RAPGEF5: variants seen among roughly 807,000 people sequenced by gnomAD.
RAPGEF5 encodes M-Ras-regulated GEF.
RAPGEF5 carries 65 observed loss-of-function variants against 125.2 expected under a neutral mutation model. The observed-to-expected ratio is 0.52, with a 90% CI of 0.43 to 0.64. The LOEUF (loss-of-function observed/expected upper bound fraction) is 0.64, where lower values mean the gene tolerates loss of function less well. Among genes scored for constraint, RAPGEF5 ranks in the 30% least tolerant of loss-of-function variants. RAPGEF5 has a pLI of 0.00. For missense variants in RAPGEF5, 958 were observed against 1,048.1 expected (o/e 0.91, Z 1.19); for synonymous variants, 391 against 385.9 (o/e 1.01, Z -0.16).
At chr7:22,212,808 T>C (rs1369866329) in intron 9 of RAPGEF5, among the ~76,000 whole-genome samples, 1 of 152,114 alleles carries the variant, frequency 6.6e-6, no homozygotes, top group African/African-American at 2.4e-5. Context: ...GAAAAGAATA[T>C]AAGGTCACCT....
At chr7:22,129,850 G>A (rs192281036) in intron 24 of RAPGEF5, among the ~76,000 whole-genome samples, 1 of 151,946 alleles carries the variant, frequency 6.6e-6, no homozygotes, top group Admixed American at 6.5e-5. Flanking sequence ...TGGGTTTTGG[G>A]GGTTGTATAA....
intron 8 of RAPGEF5, among the ~76,000 whole-genome samples, chr7:22,222,225 C>A (rs926983715): frequency 6.6e-6 from 1 of 151,984 alleles, no homozygotes; most frequent in African/African-American, 2.4e-5. Flanking sequence ...GACGACAGAG[C>A]GAGAGTCCAT....
At chr7:22,256,319 C>A (rs1444537267) in intron 7 of RAPGEF5, among the ~76,000 whole-genome samples, 1 of 152,072 alleles carries the variant, frequency 6.6e-6, no homozygotes, top group African/African-American at 2.4e-5. Flanking sequence ...GTCACATGCA[C>A]CTAAAATAAT....
intron 25 of RAPGEF5, among the ~76,000 whole-genome samples, chr7:22,123,043 T>C (rs1013539274): frequency 5.9e-5 from 9 of 152,058 alleles, no homozygotes; most frequent in Non-Finnish European, 1.3e-4. Context: ...TCTCATTTTT[T>C]GGAAAAAAAA....
chr7:22,303,949 G>A (rs1049954597), intron 5 of RAPGEF5, among the ~76,000 whole-genome samples: 4 of 152,202 alleles, frequency 2.6e-5, no homozygotes, highest in Non-Finnish European at 4.4e-5. Flanking sequence ...ACACTGGCAT[G>A]AGGAAGTAAA....
At chr7:22,210,603 A>G (rs929826474) in intron 9 of RAPGEF5, among the ~76,000 whole-genome samples, 14 of 152,052 alleles carry the variant, frequency 9.2e-5, no homozygotes, top group Admixed American at 2.0e-4. Context: ...ATTCTCTACT[A>G]TTATGTGTTT....
chr7:22,243,856 G>A (rs975535142), intron 7 of RAPGEF5, among the ~76,000 whole-genome samples: 3 of 152,098 alleles, frequency 2.0e-5, no homozygotes, highest in Non-Finnish European at 2.9e-5. Flanking sequence ...ACCGTGCTGT[G>A]CAATCGATAT....
At chr7:22,258,938 G>C (rs1782078925) in intron 7 of RAPGEF5, among the ~76,000 whole-genome samples, 1 of 152,158 alleles carries the variant, frequency 6.6e-6, no homozygotes. Context: ...AGAAAATCTA[G>C]ATGACCTTAG....
At chr7:22,137,019 C>T (rs772578014) in intron 21 of RAPGEF5, 36 bp from the exon 22 acceptor site, 1 of 1,486,824 alleles carries the variant, frequency 6.7e-7, no homozygotes. Flanking sequence ...CAGAAGGTCA[C>T]AGAAGTTGGT....
chr7:22,258,624 C>CA (rs34352575), intron 7 of RAPGEF5, among the ~76,000 whole-genome samples: 872 of 45,534 alleles, frequency 0.019, 10 homozygotes, highest in African/African-American at 0.026. Context: ...AACTCCGTCT[C>CA]AAAAAAAAAA....
intron 6 of RAPGEF5, among the ~76,000 whole-genome samples, chr7:22,281,381 T>A (rs1425957781): frequency 6.6e-6 from 1 of 152,092 alleles, no homozygotes; most frequent in African/African-American, 2.4e-5. Context: ...CGAGCTAATT[T>A]CTGTATTTTT....
chr7:22,267,783 T>A (rs551219221), intron 6 of RAPGEF5, among the ~76,000 whole-genome samples: 192 of 151,978 alleles, frequency 1.3e-3, no homozygotes, highest in African/African-American at 4.4e-3. Context: ...AATTCCATAA[T>A]GAGGAAGCTC....
At chr7:22,137,984 G>T (rs924022874) in intron 21 of RAPGEF5, among the ~76,000 whole-genome samples, 1 of 150,160 alleles carries the variant, frequency 6.7e-6, no homozygotes, top group African/African-American at 2.5e-5. Context: ...CAGCAAACAG[G>T]TAGTTTAATC....
chr7:22,159,221 T>C lies in RAPGEF5; in HGVS notation c.1526+1297A>G, dbSNP rs562921930. 9.2e-5 allele frequency among the ~76,000 whole-genome samples: 14 copies of C among 152,334 alleles called. No homozygotes were observed. The South Asian group carries it at 2.9e-3, about 32-fold the overall frequency. On this transcript the variant is annotated intron_variant, in intron 14 of 25. Transcript: ENST00000665637. Reference sequence around the variant, plus strand: ...AGTCTTAGGCTATGGAAACATAACATAATGTAGACTGCAATAAAAGAAGAC... The same window carrying C: ...AGTCTTAGGCTATGGAAACATAACACAATGTAGACTGCAATAAAAGAAGAC...
chr7:22,332,157 A>G (rs1308869934), intron 1 of RAPGEF5, among the ~76,000 whole-genome samples: 1 of 152,226 alleles, frequency 6.6e-6, no homozygotes, highest in African/African-American at 2.4e-5. Context: ...TTCTGAAATT[A>G]CAAATTTACT....
chr7:22,179,519 T>C (rs4722106), intron 11 of RAPGEF5, among the ~76,000 whole-genome samples: 148,666 of 152,260 alleles, frequency 0.98, 72,585 homozygotes, highest in East Asian at 0.99. Flanking sequence ...TGAGCCAGAG[T>C]GACTCCATCT....
At position 22,315,470 on chromosome 7, in the gene RAPGEF5, C is replaced by A; in HGVS notation, c.289G>T (p.Gly97Ter). The change falls in exon 3 of 26, where the codon GGA becomes TGA. Residue 97 changes from glycine (G) to a stop codon, truncating the protein, a stop_gained. Transcript: ENST00000665637. LOFTEE classifies it high-confidence loss of function. ...CTTCCTGCACAAGAAGAATTCTCTC[C>A]ATAAATCTAAATGGAAAAGACAGTC... ...YLEHTPSQIY[G>*]ENSSCAGRAL... 1 of 1,484,990 alleles carries A rather than the reference C, an allele frequency of 6.7e-7. No homozygotes were observed. The highest frequency in any genetic ancestry group is 2.6e-5 in the Admixed American group (1 of 39,198). 92.0% of individuals were successfully genotyped at this position (1,484,990 alleles called of 1,614,324 possible).
intron 20 of RAPGEF5, 101 bp from the exon 21 acceptor site, chr7:22,140,216 C>T (rs1783212533): frequency 1.9e-6 from 2 of 1,055,818 alleles, no homozygotes; most frequent in Admixed American, 4.2e-5. Flanking sequence ...CCACAGAGCT[C>T]AGGAATTCTG....
chr7:22,193,274 G>C, intron 11 of RAPGEF5, 93 bp downstream of exon 11: 3 of 1,374,048 alleles, frequency 2.2e-6, no homozygotes, highest in Non-Finnish European at 3.0e-6. Flanking sequence ...CCCCACCCCG[G>C]TTTCAGCTAA....
Sources: allele counts gnomAD v4.1 joint callset (sites outside exome capture counted in the v4.1 genomes callset), GRCh38; gene constraint gnomAD v4.1.1; transcripts MANE v1.5; gene names NCBI Gene and HGNC (gene_info 2026-07-23, HGNC 2026-07-21).